Variants in HSPG2 observed in about 807,000 individuals in gnomAD.
The protein encoded by HSPG2 is basement membrane-specific heparan sulfate proteoglycan core protein.
HSPG2 carries 278 observed loss-of-function variants against 526.6 expected under a neutral mutation model. The observed-to-expected ratio is 0.53, with a 90% CI of 0.48 to 0.58. The LOEUF is 0.58. HSPG2 is among the 20% of genes least tolerant of loss of function. The pLI is 0.00. For missense variants in HSPG2, 5,354 were observed against 6,099.5 expected, an observed-to-expected ratio of 0.88 and a Z score of 4.07; for synonymous variants, 2,465 against 2,555.4, an observed-to-expected ratio of 0.96 and a Z score of 1.07.
At position 21,890,130 on chromosome 1, in the gene HSPG2, C is replaced by A. The variant is rs1390716354; in HGVS notation, c.425G>T (p.Gly142Val). The A allele has an allele frequency of 1.2e-6, 2 of 1,614,076 alleles. No individual in the cohort carries two copies. The highest frequency in any genetic ancestry group is 1.7e-5 in the Admixed American group (1 of 60,014). Residue 142 changes from glycine to valine, a missense_variant, in exon 6 of 97, where the codon GGC (glycine) becomes GTC (valine). By Grantham distance (109) the Gly-to-Val change is moderately radical. Coordinates refer to ENST00000374695, the MANE Select transcript of HSPG2 (RefSeq NM_005529.7). The surrounding 1 kb of genome is among the most constrained non-coding windows in gnomAD (Gnocchi z 4.1). ...CACATCCAGCTCCACAAAAACCCAGCCATCCAGCTCCCTGGGGATGGAGAC... is the reference window on the plus strand; with the variant it reads ...CACATCCAGCTCCACAAAAACCCAGACATCCAGCTCCCTGGGGATGGAGAC... ...VSVVFIKELDGWVFVELDVGS... is the reference protein window; with the variant it reads ...VSVVFIKELDVWVFVELDVGS...
chr1:21,852,702 G>C lies in HSPG2; in HGVS notation c.6722C>G (p.Pro2241Arg), dbSNP rs1445810439. Residue 2241 changes from proline (P) to arginine (R), a missense_variant and splice_region_variant, in exon 52 of 97, where the codon CCT becomes CGT. Coordinates refer to ENST00000374695, the MANE Select transcript of HSPG2 (RefSeq NM_005529.7). ...CCATGTCACTGGGAGTCACTCACCA[G>C]GGATGACAGAGGCTTCGATGGTGAC... The part of the protein sequence containing the change: ...VLVTIEASVI[P>R]GPIPPVRIES... 1.2e-6 allele frequency: 2 copies of C among 1,613,350 alleles called. No individual in the cohort carries two copies. Among genetic ancestry groups the C allele is most frequent in the African/African-American group, 2.7e-5 (2 of 74,938 alleles).
At chr1:21,833,425 G>A (rs2098013261) in intron 79 of HSPG2, 41 bp from the exon 80 acceptor site, 1 of 1,613,820 alleles carries the variant, frequency 6.2e-7, no homozygotes, top group Non-Finnish European at 8.5e-7. Context: ...GCCAGTCAGG[G>A]AGTGGGCAGG....
Position 21,824,620 on chromosome 1 carries a change from G to A in HSPG2, c.12666-5C>T, listed in dbSNP as rs752342864. The A allele has an allele frequency of 1.2e-5, 19 of 1,613,910 alleles. No individual in the cohort carries two copies. The highest frequency in any genetic ancestry group is 7.7e-5 in the South Asian group (7 of 91,082). ...GTCTCGGGCACCTCGGGCAGGCTGCGGAGGAAGAGCGGGTGAGGGGACAGA... is the reference window on the plus strand; with the variant it reads ...GTCTCGGGCACCTCGGGCAGGCTGCAGAGGAAGAGCGGGTGAGGGGACAGA... On this transcript the variant is annotated splice_region_variant and splice_polypyrimidine_tract_variant and intron_variant, in intron 92 of 96. Transcript: ENST00000374695. This position sits in a 1 kb window ranked among gnomAD's most constrained non-coding sequence, Gnocchi z 5.9.
At chr1:21,840,166 T>C (rs768371380) in intron 71 of HSPG2, 149 bp from the exon 72 acceptor site, 6 of 687,844 alleles carry the variant, frequency 8.7e-6, no homozygotes, top group Non-Finnish European at 1.5e-5. Flanking sequence ...TGAGACAGGG[T>C]CTTACTCTGT....
Position 21,859,639 on chromosome 1 carries a change from A to G in HSPG2, c.5220T>C (p.Asp1740=), listed in dbSNP as rs1270950219. Residue 1740 remains aspartate (D), a synonymous_variant, in exon 42 of 97, where the codon GAT becomes GAC. Coordinates refer to ENST00000374695, the MANE Select transcript of HSPG2 (RefSeq NM_005529.7). The surrounding 1 kb of genome is among the most constrained non-coding windows in gnomAD (Gnocchi z 5.3). The part of the protein sequence containing the change: ...ELHFPSVQPS[D]AGVYICTCRN... ...GGCAGGTGCAAATGTAGACCCCAGC[A>G]TCCGAGGGCTGGACGCTGGGGAAGT... 6.2e-7 allele frequency: 1 copy of G among 1,608,258 alleles called. No homozygotes were observed. The highest frequency in any genetic ancestry group is 2.2e-5 in the East Asian group (1 of 44,668).
At chr1:21,840,321 G>A (rs1023166246) in intron 71 of HSPG2, among the ~76,000 whole-genome samples, 1 of 151,712 alleles carries the variant, frequency 6.6e-6, no homozygotes, top group Admixed American at 6.6e-5. Flanking sequence ...TTGTTTGTTT[G>A]TTTTTTGAGG....
intron 44 of HSPG2, 46 bp downstream of exon 44, chr1:21,856,969 G>C (rs764918322): frequency 1.9e-6 from 3 of 1,572,806 alleles, no homozygotes; most frequent in East Asian, 4.5e-5. Context: ...TGGTGGGAAT[G>C]GGGGAGAGAC....
rs1641399279 is a variant in HSPG2, at chr1:21,880,359, G to C, written c.2195+4C>G. 6.2e-7 allele frequency: 1 copy of C among 1,614,124 alleles called. No homozygotes were observed. The highest frequency in any genetic ancestry group is 8.5e-7 in the Non-Finnish European group (1 of 1,180,018). On this transcript the variant is annotated splice_donor_region_variant and intron_variant, in intron 16 of 96. Coordinates refer to ENST00000374695, the MANE Select transcript of HSPG2 (RefSeq NM_005529.7). Reference sequence around the variant, plus strand: ...GTGGTTCCCAGCCCTGCCGGCTCAGGCACCTGCACTCCTCCACACTGTGGG... The same window carrying C: ...GTGGTTCCCAGCCCTGCCGGCTCAGCCACCTGCACTCCTCCACACTGTGGG...
chr1:21,857,282 C>T lies in HSPG2; in HGVS notation c.5394+3G>A. 3.1e-6 allele frequency: 5 copies of T among 1,614,108 alleles called. No homozygotes were observed. Among genetic ancestry groups the T allele is most frequent in the Non-Finnish European group, 4.2e-6 (5 of 1,179,984 alleles). ...CTCCATCCCCACTCCCTGACCTGCA[C>T]ACCTTGCTTTTGGCTGTGCAGATGA... On this transcript the variant is annotated splice_donor_region_variant and intron_variant, in intron 43 of 96. Transcript: ENST00000374695.
Position 21,839,392 on chromosome 1 carries a change from T to G in HSPG2, c.9868A>C (p.Thr3290Pro), listed in dbSNP as rs781468302. Reference sequence around the variant, plus strand: ...TTACTCTCCACGTGCAGGATGATGGTGGCCTCAGCGTGCCCAGCAGGGCTA... The same window carrying G: ...TTACTCTCCACGTGCAGGATGATGGGGGCCTCAGCGTGCCCAGCAGGGCTA... ...ATSPAGHAEA[T>P]IILHVESPPY... Residue 3290 changes from threonine to proline, a missense_variant, in exon 73 of 97, where the codon ACC becomes CCC. By Grantham distance (38) the Thr-to-Pro change is conservative (BLOSUM62 -1). Coordinates refer to ENST00000374695, the MANE Select transcript of HSPG2 (RefSeq NM_005529.7). This position sits in a 1 kb window ranked among gnomAD's most constrained non-coding sequence, Gnocchi z 4.5. 2.5e-6 allele frequency: 4 copies of G among 1,613,226 alleles called. No homozygotes were observed. Among genetic ancestry groups the G allele is most frequent in the Non-Finnish European group, 3.4e-6 (4 of 1,179,992 alleles).
rs147557804 is a variant in HSPG2 at position 21,884,636 on chromosome 1, C to T, written c.1546G>A (p.Ala516Thr). 3.1e-4 allele frequency: 503 copies of T among 1,611,364 alleles called. No homozygotes were observed. Among genetic ancestry groups the T allele is most frequent in the South Asian group, 5.2e-4 (47 of 91,000 alleles). The change falls in exon 13 of 97, where the codon GCC becomes ACC. Residue 516 changes from alanine (A) to threonine (T), a missense_variant. Transcript: ENST00000374695. ...AAGCAGAAGCAGGGCAGGCAGGCGG[C>T]GCTGTGCTCCAGGTAGAAGTGGCCG... ...PDGHFYLEHS[A>T]ACLPCFCFGI...
chr1:21,845,542 G>C (rs761625832), intron 64 of HSPG2, among the ~76,000 whole-genome samples: 34 of 151,894 alleles, frequency 2.2e-4, no homozygotes, highest in Non-Finnish European at 4.1e-4. Context: ...CCACACCCAG[G>C]TAATTTTTTG....
chr1:21,922,910 C>G (rs1644082988), intron 1 of HSPG2, among the ~76,000 whole-genome samples: 1 of 152,152 alleles, frequency 6.6e-6, no homozygotes, highest in African/African-American at 2.4e-5. Flanking sequence ...CCCTTTCCTC[C>G]CATTTCCTCA....
In HSPG2 at chr1:21,872,599, C is replaced by T. The variant is rs752709780; in HGVS notation, c.4029+21G>A. ...CAGCAGGTGGCAACACCGCCTGGGG[C>T]TGGGCAGCACAGGCTCTCACCAGGT... On this transcript the variant is annotated intron_variant, in intron 32 of 96. Coordinates refer to ENST00000374695, the MANE Select transcript of HSPG2 (RefSeq NM_005529.7). This position sits in a 1 kb window ranked among gnomAD's most constrained non-coding sequence, Gnocchi z 5.5. 8 of 1,572,578 alleles carry T rather than the reference C, an allele frequency of 5.1e-6. No homozygotes were observed. The South Asian group carries it at 9.3e-5, about 18-fold the overall frequency.
chr1:21,917,262 G>A (rs944134533), intron 1 of HSPG2, among the ~76,000 whole-genome samples: 1 of 151,504 alleles, frequency 6.6e-6, no homozygotes, highest in African/African-American at 2.4e-5. Context: ...GCGAGACCCC[G>A]TCTCTATGAA....
At position 21,836,992 on chromosome 1, in the gene HSPG2, G is replaced by A. The variant is rs190842608; in HGVS notation, c.10165C>T (p.Leu3389Phe). 1.3e-6 allele frequency: 2 copies of A among 1,551,414 alleles called. No homozygotes were observed. Among genetic ancestry groups the A allele is most frequent in the Non-Finnish European group, 1.7e-6 (2 of 1,148,172 alleles). ...QLLVQGPPGSLPATSIPAGST... is the reference protein window; with the variant it reads ...QLLVQGPPGSFPATSIPAGST... ...CCTGCTGGGATGGAGGTGGCAGGGA[G>A]AGAGCCGGGAGGGCCTGCGGGGACA... is the stretch of plus-strand genomic sequence containing the variant. The change falls in exon 75 of 97, where the codon CTC becomes TTC. Residue 3389 changes from leucine to phenylalanine, a missense_variant. Coordinates refer to ENST00000374695, the MANE Select transcript of HSPG2 (RefSeq NM_005529.7).
chr1:21,855,098 T>G (rs1639230907), intron 47 of HSPG2, 115 bp from the exon 48 acceptor site: 2 of 1,410,456 alleles, frequency 1.4e-6, no homozygotes, highest in Non-Finnish European at 2.0e-6. Context: ...TAGGGCCCAG[T>G]GGGGCATGAA....
rs1641832434 is a variant in HSPG2 at position 21,885,574 on chromosome 1, C to T, written c.1079-123G>A. 2.8e-6 allele frequency: 3 copies of T among 1,081,782 alleles called. No individual in the cohort carries two copies. In the African/African-American group the frequency reaches 4.6e-5, roughly 17 times the overall value. 67.0% of individuals were successfully genotyped at this position (1,081,782 alleles called of 1,614,324 possible). A position where few individuals can be genotyped will look rare whatever the true frequency, so the allele number is the denominator to read the frequency against. The stretch of plus-strand genomic sequence containing the variant: ...CGGCCCTCGCCATGCCTAGCCCCTG[C>T]TGCACAACACTGTCCAACTCACAGC... On this transcript the variant is annotated intron_variant, in intron 9 of 96. Transcript: ENST00000374695.
chr1:21,908,201 A>C, intron 1 of HSPG2: 1 of 873,048 alleles, frequency 1.1e-6, no homozygotes, highest in Non-Finnish European at 1.9e-6. Context: ...CGAATCTATA[A>C]GAAAGGTGAT....
Sources: gnomAD v4.1 joint callset for allele counts (sites outside exome capture counted in the v4.1 genomes callset) on GRCh38, gnomAD v4.1.1 for gene constraint, Gnocchi (gnomAD v3.1) non-coding constraint, MANE v1.5 for transcripts, NCBI Gene and HGNC (gene_info 2026-07-23, HGNC 2026-07-21) for gene names.